NRF1: variants seen among roughly 807,000 people sequenced by gnomAD.
The protein encoded by NRF1 is alpha palindromic-binding protein.
NRF1 carries 5 observed loss-of-function variants against 58.5 expected under a neutral mutation model. The ratio of observed to expected loss-of-function variants is 0.09; its 90% CI spans 0.04 to 0.18. NRF1 has a LOEUF of 0.18. Ranked by LOEUF, NRF1 falls within the 10% of genes least tolerant of loss-of-function variation. The pLI, the probability that NRF1 is intolerant of heterozygous loss-of-function variation, is 1.00. For missense variants in NRF1, 288 were observed against 657.7 expected (o/e 0.44, Z 6.15); for synonymous variants, 224 against 246.7 (o/e 0.91, Z 0.86).
intron 1 of NRF1, among the ~76,000 whole-genome samples, chr7:129,623,203 CATG>C (rs1278889470): frequency 5.9e-5 from 9 of 152,078 alleles, no homozygotes; most frequent in Admixed American, 5.9e-4. Context: ...TTGACTCTGC[CATG>C]ATACTTCCTG....
intron 1 of NRF1, among the ~76,000 whole-genome samples, chr7:129,644,110 CCCTTAGCAAAT>C (rs1367156617): frequency 1.1e-4 from 17 of 152,222 alleles, no homozygotes; most frequent in African/African-American, 3.9e-4. Flanking sequence ...GCTCCCTTAA[CCCTTAGCAAAT>C]ATCACTAGAA....
rs189821342 is a variant in NRF1 at position 129,679,613 on chromosome 7, C to T, written c.465+1855C>T. Among the ~76,000 whole-genome samples the T allele has an allele frequency of 1.3e-4, 20 of 151,552 alleles. No individual in the cohort carries two copies. The East Asian group carries it at 3.1e-3, about 24-fold the overall frequency. On this transcript the variant is annotated intron_variant, in intron 4 of 10. Transcript: ENST00000393232. ...TGGCACATGCCTGTAGTCCCAGCTACTCGGGAGGCTGAGGCAGAAGAATCT... is the reference window on the plus strand; with the variant it reads ...TGGCACATGCCTGTAGTCCCAGCTATTCGGGAGGCTGAGGCAGAAGAATCT...
intron 2 of NRF1, among the ~76,000 whole-genome samples, chr7:129,660,976 A>C (rs1171758772): frequency 1.3e-5 from 2 of 151,252 alleles, no homozygotes. Flanking sequence ...AGGAGTTTTC[A>C]TACATCCTCT....
chr7:129,727,034 G>A (rs1803465825), intron 9 of NRF1, among the ~76,000 whole-genome samples: 1 of 152,220 alleles, frequency 6.6e-6, no homozygotes, highest in Non-Finnish European at 1.5e-5. Context: ...TTATAGCTAT[G>A]TAAGACTTGA....
chr7:129,699,134 A>G (rs185402683), intron 5 of NRF1, among the ~76,000 whole-genome samples: 1 of 152,304 alleles, frequency 6.6e-6, no homozygotes, highest in East Asian at 1.9e-4. Flanking sequence ...TGGCATGATG[A>G]TGCAACAGGA....
At chr7:129,737,151 C>CT (rs1803733392) in intron 10 of NRF1, among the ~76,000 whole-genome samples, 1 of 152,228 alleles carries the variant, frequency 6.6e-6, no homozygotes, top group South Asian at 2.1e-4. Context: ...GCTTTCCTGT[C>CT]TTTAAGACGG....
chr7:129,719,497 A>AACACACACACACACACACACACACACAC (rs67443980), intron 9 of NRF1, among the ~76,000 whole-genome samples: 1 of 141,896 alleles, frequency 7.0e-6, no homozygotes, highest in African/African-American at 2.6e-5. Context: ...AGGAAACTGA[A>AACACACACACACACACACACACACACAC]ACACACACAC....
intron 3 of NRF1, among the ~76,000 whole-genome samples, chr7:129,675,754 T>C (rs1332504370): frequency 6.6e-6 from 1 of 152,200 alleles, no homozygotes; most frequent in African/African-American, 2.4e-5. Context: ...ATCCAGGTTT[T>C]ATTGTTCTAT....
chr7:129,677,640 G>A lies in NRF1; in HGVS notation c.347G>A (p.Arg116Gln), dbSNP rs762696207. Residue 116 changes from arginine (R) to glutamine (Q), a missense_variant, in exon 4 of 11, where the codon CGA becomes CAA. Physicochemically the swap from Arg to Gln is conservative, Grantham distance 43. This residue lies in a region of NRF1 where 212 missense variants were observed against 559.7 expected (regional missense o/e 0.38). Coordinates refer to ENST00000393232, the MANE Select transcript of NRF1 (RefSeq NM_005011.5). ...TTCCTTTTCTGATTCAGGAAACTTC[G>A]AGCCACGTTAGATGAATATACTACT... ...RQQTRLLRKLRATLDEYTTRV... is the reference protein window; with the variant it reads ...RQQTRLLRKLQATLDEYTTRV... The A allele has an allele frequency of 1.2e-6, 2 of 1,612,388 alleles. No homozygotes were observed. The highest frequency in any genetic ancestry group is 1.7e-6 in the Non-Finnish European group (2 of 1,179,582).
At chr7:129,638,015 C>A (rs1801207837) in intron 1 of NRF1, among the ~76,000 whole-genome samples, 1 of 152,026 alleles carries the variant, frequency 6.6e-6, no homozygotes, top group African/African-American at 2.4e-5. Context: ...TTCTCTGTAC[C>A]AAGAGTTAAT....
chr7:129,667,484 T>G (rs1165483368), intron 2 of NRF1, among the ~76,000 whole-genome samples: 1 of 152,126 alleles, frequency 6.6e-6, no homozygotes, highest in Non-Finnish European at 1.5e-5. Flanking sequence ...TAAAAATTAT[T>G]GATCTATATT....
chr7:129,709,799 C>T (rs1181136955), intron 6 of NRF1, among the ~76,000 whole-genome samples: 1 of 147,566 alleles, frequency 6.8e-6, no homozygotes, highest in South Asian at 2.1e-4. Context: ...GACGTGACCT[C>T]GGCTCGCCGC....
chr7:129,722,260 G>A (rs1347336650), intron 9 of NRF1, among the ~76,000 whole-genome samples: 1 of 152,154 alleles, frequency 6.6e-6, no homozygotes, highest in East Asian at 1.9e-4. Context: ...GCGTGGTGGT[G>A]CATGCCTGTA....
chr7:129,706,690 G>T (rs1802958073), intron 5 of NRF1, among the ~76,000 whole-genome samples: 1 of 152,168 alleles, frequency 6.6e-6, no homozygotes, highest in South Asian at 2.1e-4. Flanking sequence ...TTGGAACTCA[G>T]TTGGAAGGCC....
intron 4 of NRF1, among the ~76,000 whole-genome samples, chr7:129,680,097 G>A (rs912757486): frequency 1.3e-5 from 2 of 151,790 alleles, no homozygotes; most frequent in African/African-American, 4.8e-5. Context: ...ATAGGCAAAA[G>A]GTCTGAATAG....
At chr7:129,637,172 C>G (rs1242044646) in intron 1 of NRF1, among the ~76,000 whole-genome samples, 1 of 151,788 alleles carries the variant, frequency 6.6e-6, no homozygotes, top group Non-Finnish European at 1.5e-5. Flanking sequence ...CATTCCCATA[C>G]CCTTCAATAG....
chr7:129,628,592 G>A (rs1800975055), intron 1 of NRF1, among the ~76,000 whole-genome samples: 1 of 152,174 alleles, frequency 6.6e-6, no homozygotes, highest in Admixed American at 6.5e-5. Context: ...CTTAAGAGAA[G>A]ACAGCTGAAG....
At chr7:129,682,087 G>A (rs200018269) in intron 4 of NRF1, among the ~76,000 whole-genome samples, 1 of 11,714 alleles carries the variant, frequency 8.5e-5, no homozygotes, top group African/African-American at 1.1e-4. Flanking sequence ...GTCTCAATCA[G>A]TTAGTCAGTC....
At chr7:129,637,149 C>T (rs2151065224) in intron 1 of NRF1, among the ~76,000 whole-genome samples, 1 of 151,960 alleles carries the variant, frequency 6.6e-6, no homozygotes, top group East Asian at 1.9e-4. Context: ...GGATGAATGG[C>T]TTTAACTCTC....
Sources: gnomAD v4.1 joint callset for allele counts (sites outside exome capture counted in the v4.1 genomes callset) on GRCh38, gnomAD v4.1.1 for gene constraint, gnomAD v4.1.1 regional missense constraint, MANE v1.5 for transcripts, NCBI Gene and HGNC (gene_info 2026-07-23, HGNC 2026-07-21) for gene names.